The following INSL6 variants were observed in gnomAD, a reference collection of about 807,000 sequenced individuals.
INSL6 encodes the protein insulin-like peptide INSL6.
INSL6 carries 16 observed loss-of-function variants against 9.4 expected under a neutral mutation model. The ratio of observed to expected loss-of-function variants is 1.70; its 90% confidence interval spans 1.15 to 2.59. The LOEUF (loss-of-function observed/expected upper bound fraction) is 2.59. Among genes scored for constraint, INSL6 ranks in the 30% most tolerant of loss-of-function variants. The pLI, the probability that INSL6 is intolerant of heterozygous loss-of-function variation, is 0.00. For missense variants in INSL6, 391 were observed against 257.3 expected (o/e 1.52, Z -3.56); for synonymous variants, 154 against 96.9 (o/e 1.59, Z -3.46).
intron 1 of INSL6, among the ~76,000 whole-genome samples, chr9:5,180,088 C>T (rs367973828): frequency 2.5e-4 from 38 of 152,278 alleles, no homozygotes; most frequent in African/African-American, 8.9e-4. Context: ...ACGGAGGGAC[C>T]GGCTGGAGCC....
the INSL6 span, among the ~76,000 whole-genome samples, chr9:5,030,432 T>A: frequency 1.3e-5 from 2 of 152,196 alleles, no homozygotes; most frequent in African/African-American, 4.8e-5. Context: ...GAAACAAAGA[T>A]ACGTTTGATT....
At chr9:5,091,938 G>T in the INSL6 span, among the ~76,000 whole-genome samples, 1 of 152,056 alleles carries the variant, frequency 6.6e-6, no homozygotes, top group East Asian at 1.9e-4. Context: ...ATAGTTGTTT[G>T]GGGGGATGAA....
the INSL6 span, chr9:5,085,748 G>T: frequency 1.3e-6 from 1 of 754,142 alleles, no homozygotes; most frequent in South Asian, 1.4e-5. Context: ...TGGCGCGCTG[G>T]CTAGCTTGCA....
the INSL6 span, among the ~76,000 whole-genome samples, chr9:5,064,169 A>C: frequency 1.3e-5 from 2 of 151,896 alleles, no homozygotes; most frequent in African/African-American, 4.8e-5. Flanking sequence ...GGGGGCCACA[A>C]AAAAATCATA....
chr9:5,101,342 A>G, the INSL6 span, among the ~76,000 whole-genome samples: 2 of 152,226 alleles, frequency 1.3e-5, no homozygotes, highest in Non-Finnish European at 2.9e-5. Context: ...GGCGTCCGCC[A>G]TTGCTGAGGC....
At chr9:4,994,433 C>T in the INSL6 span, among the ~76,000 whole-genome samples, 9 of 152,124 alleles carry the variant, frequency 5.9e-5, no homozygotes, top group African/African-American at 2.2e-4. Flanking sequence ...TGGAGTGGGA[C>T]TTGAGGATTT....
At chr9:5,039,932 A>G in the INSL6 span, among the ~76,000 whole-genome samples, 2 of 152,228 alleles carry the variant, frequency 1.3e-5, no homozygotes, top group Admixed American at 1.3e-4. Context: ...GAATTCCTAA[A>G]TGTCTTTATT....
chr9:5,131,548 C>CT, intron 3 of INSL6, among the ~76,000 whole-genome samples: 1 of 150,166 alleles, frequency 6.7e-6, no homozygotes, highest in South Asian at 2.1e-4. Flanking sequence ...AGTGATTCTC[C>CT]TGCCTCAGTC....
intron 1 of INSL6, among the ~76,000 whole-genome samples, chr9:5,178,164 C>T (rs1174125233): frequency 2.0e-5 from 3 of 152,190 alleles, no homozygotes; most frequent in African/African-American, 7.2e-5. Flanking sequence ...CATGAGCCAC[C>T]ACGCTCAGAC....
chr9:5,130,300 A>C (rs1824243155), intron 3 of INSL6, among the ~76,000 whole-genome samples: 1 of 152,252 alleles, frequency 6.6e-6, no homozygotes, highest in Non-Finnish European at 1.5e-5. Context: ...AGAAGCACTC[A>C]TATACATGCT....
In INSL6 at chr9:5,129,606, G is replaced by GT. The variant is rs796808318; in HGVS notation, c.*10+3818dup. 9.2e-5 allele frequency among the ~76,000 whole-genome samples: 14 copies of GT among 152,104 alleles called. No individual in the cohort carries two copies. In the East Asian group the frequency reaches 2.1e-3, roughly 23 times the overall value. On this transcript the variant is annotated intron_variant, in intron 3 of 3. Transcript: ENST00000649639. Reference sequence around the variant, plus strand: ...CAGGATTATCCAAACAAAAGACTAGGTTTTATGAGATAAGCTTGATTTAAG... The same window carrying GT: ...CAGGATTATCCAAACAAAAGACTAGGTTTTTATGAGATAAGCTTGATTTAAG...
chr9:5,170,077 C>T (rs1355887178), intron 1 of INSL6, among the ~76,000 whole-genome samples: 3 of 151,646 alleles, frequency 2.0e-5, no homozygotes, highest in Admixed American at 6.6e-5. Context: ...TTCTTGGCAC[C>T]ACGTGGCACA....
At chr9:5,181,349 A>G (rs1308870097) in intron 1 of INSL6, among the ~76,000 whole-genome samples, 4 of 152,178 alleles carry the variant, frequency 2.6e-5, no homozygotes, top group Non-Finnish European at 5.9e-5. Flanking sequence ...GACCAATTAA[A>G]TAAAATAGAA....
At chr9:5,093,148 C>T in the INSL6 span, among the ~76,000 whole-genome samples, 2 of 152,078 alleles carry the variant, frequency 1.3e-5, no homozygotes, top group South Asian at 4.1e-4. Flanking sequence ...ACTGGAATAA[C>T]CCACTGACTG....
At chr9:5,050,121 G>A in the INSL6 span, among the ~76,000 whole-genome samples, 1 of 152,032 alleles carries the variant, frequency 6.6e-6, no homozygotes, top group Non-Finnish European at 1.5e-5. Flanking sequence ...TTTAATTTAG[G>A]TAATTTTTAT....
At chr9:5,081,869 G>A in the INSL6 span, 1 of 1,608,712 alleles carries the variant, frequency 6.2e-7, no homozygotes, top group Non-Finnish European at 8.5e-7. Context: ...AAGGTAAATT[G>A]TCAGAATTTT....
chr9:5,115,299 CAT>C, the INSL6 span, among the ~76,000 whole-genome samples: 15 of 152,090 alleles, frequency 9.9e-5, no homozygotes, highest in African/African-American at 2.4e-4. Flanking sequence ...GGCCAACAAA[CAT>C]ATGAAAAAAA....
At chr9:5,132,922 T>C (rs1411736306) in intron 3 of INSL6, 2 of 152,172 alleles carry the variant, frequency 1.3e-5, no homozygotes, top group African/African-American at 2.4e-5. Context: ...GCCCTAATCA[T>C]AGTTTTCAGG....
chr9:5,077,301 G>C, the INSL6 span: 2 of 265,464 alleles, frequency 7.5e-6, no homozygotes, highest in Non-Finnish European at 1.4e-5. Flanking sequence ...ATATAATGCT[G>C]TGTATCCATT....
Sources: gnomAD v4.1 joint callset for allele counts (sites outside exome capture counted in the v4.1 genomes callset) on GRCh38, gnomAD v4.1.1 for gene constraint, MANE v1.5 for transcripts, NCBI Gene and HGNC (gene_info 2026-07-23, HGNC 2026-07-21) for gene names.